The following CYP2C18 variants were observed in gnomAD, a reference collection of about 807,000 sequenced individuals.
The protein encoded by CYP2C18 is cytochrome P450 2C18.
CYP2C18 carries 38 observed loss-of-function variants against 41.3 expected under a neutral mutation model. That is an observed-to-expected ratio of 0.92 (90% CI 0.71 to 1.21). The LOEUF (loss-of-function observed/expected upper bound fraction) is 1.21. CYP2C18 is among the 50% of genes most tolerant of loss of function. The pLI is 0.00. For missense variants in CYP2C18, 635 were observed against 591.4 expected, an observed-to-expected ratio of 1.07 and a Z score of -0.77; for synonymous variants, 236 against 210.0, an observed-to-expected ratio of 1.12 and a Z score of -1.07.
chr10:94,731,308 A>G (rs1198956969), intron 7 of CYP2C18, among the ~76,000 whole-genome samples: 2 of 152,020 alleles, frequency 1.3e-5, no homozygotes, highest in African/African-American at 4.8e-5. Flanking sequence ...TGAACCCGGA[A>G]GGTGGAGCTT....
intron 5 of CYP2C18, among the ~76,000 whole-genome samples, chr10:94,719,337 T>A (rs1300593282): frequency 6.6e-6 from 1 of 152,110 alleles, no homozygotes; most frequent in African/African-American, 2.4e-5. Flanking sequence ...GTACTGTAGC[T>A]CTGAAGCATC....
At chr10:94,731,388 A>T (rs1847830121) in intron 7 of CYP2C18, among the ~76,000 whole-genome samples, 1 of 151,952 alleles carries the variant, frequency 6.6e-6, no homozygotes, top group African/African-American at 2.4e-5. Context: ...TCAAAAAAAA[A>T]ATAAAATAAA....
At chr10:94,731,161 A>G (rs1847825623) in intron 7 of CYP2C18, among the ~76,000 whole-genome samples, 1 of 152,136 alleles carries the variant, frequency 6.6e-6, no homozygotes, top group Non-Finnish European at 1.5e-5. Flanking sequence ...CCAGCGGATC[A>G]CAAGGTCATG....
chr10:94,716,715 A>C (rs1388697689), intron 5 of CYP2C18, among the ~76,000 whole-genome samples: 2 of 152,178 alleles, frequency 1.3e-5, no homozygotes, highest in Non-Finnish European at 1.5e-5. Flanking sequence ...TGCAGAGCTG[A>C]GTTCAATTCC....
chr10:94,715,641 C>T (rs1368027329), intron 5 of CYP2C18, among the ~76,000 whole-genome samples: 1 of 152,004 alleles, frequency 6.6e-6, no homozygotes, highest in African/African-American at 2.4e-5. Context: ...GTCTAAAATT[C>T]TCTTTTTCTG....
chr10:94,706,000 A>G (rs1847336186), intron 4 of CYP2C18, among the ~76,000 whole-genome samples: 1 of 152,078 alleles, frequency 6.6e-6, no homozygotes, highest in African/African-American at 2.4e-5. Context: ...CCTCTAATTC[A>G]CACCTAGAGA....
At chr10:94,727,821 C>T (rs539386462) in intron 7 of CYP2C18, among the ~76,000 whole-genome samples, 1 of 152,164 alleles carries the variant, frequency 6.6e-6, no homozygotes, top group South Asian at 2.1e-4. Context: ...ACATTTTAAT[C>T]TATACATTTA....
chr10:94,714,969 G>T (rs995755190), intron 5 of CYP2C18, among the ~76,000 whole-genome samples: 1 of 151,986 alleles, frequency 6.6e-6, no homozygotes, highest in Non-Finnish European at 1.5e-5. Context: ...TCATGATTTG[G>T]CACTCTGTTT....
chr10:94,700,239 T>C lies in CYP2C18; in HGVS notation c.642+5162T>C, dbSNP rs113188252. On this transcript the variant is annotated intron_variant, in intron 4 of 8. Coordinates refer to ENST00000285979, the MANE Select transcript of CYP2C18 (RefSeq NM_000772.3). ...CTGACTTCAAACTATACTACAAGGC[T>C]ACAGTAAGCAAAACAGCATGGTACT... Among the ~76,000 whole-genome samples the C allele has an allele frequency of 2.5e-3, 376 of 152,274 alleles. 2 individuals carry two copies. The highest frequency in any genetic ancestry group is 7.9e-3 in the African/African-American group (328 of 41,550).
At chr10:94,703,466 C>G (rs118029145) in intron 4 of CYP2C18, among the ~76,000 whole-genome samples, 1 of 152,202 alleles carries the variant, frequency 6.6e-6, no homozygotes, top group Non-Finnish European at 1.5e-5. Flanking sequence ...AGTCTGGCTA[C>G]AGGGGCTTTG....
At position 94,698,703 on chromosome 10, in the gene CYP2C18, T is replaced by A. The variant is rs183743459; in HGVS notation, c.642+3626T>A. 8.4e-4 allele frequency among the ~76,000 whole-genome samples: 128 copies of A among 151,996 alleles called. 1 individual carries two copies. The highest frequency in any genetic ancestry group is 2.5e-3 in the Admixed American group (38 of 15,250). On this transcript the variant is annotated intron_variant, in intron 4 of 8. Coordinates refer to ENST00000285979, the MANE Select transcript of CYP2C18 (RefSeq NM_000772.3). The stretch of plus-strand genomic sequence containing the variant: ...CAATGAATCCAGGAGCTGGTTTTTT[T>A]AAAAGATCAACAAAATTGATAGACC...
At chr10:94,713,651 G>A (rs113235753) in intron 5 of CYP2C18, among the ~76,000 whole-genome samples, 3,849 of 152,266 alleles carry the variant, frequency 0.025, 149 homozygotes, top group African/African-American at 0.075. Context: ...ACGTGTGCAT[G>A]TGTCTTTATG....
At chr10:94,703,341 C>A (rs1490703886) in intron 4 of CYP2C18, among the ~76,000 whole-genome samples, 1 of 152,218 alleles carries the variant, frequency 6.6e-6, no homozygotes, top group Non-Finnish European at 1.5e-5. Context: ...CCACAGCCAC[C>A]CCTTCCTCCA....
At chr10:94,729,501 T>G (rs74152344) in intron 7 of CYP2C18, among the ~76,000 whole-genome samples, 3,849 of 152,106 alleles carry the variant, frequency 0.025, 149 homozygotes, top group African/African-American at 0.075. Flanking sequence ...AAAACAAAAT[T>G]TTCTGCTTCT....
intron 5 of CYP2C18, among the ~76,000 whole-genome samples, 178 bp from the exon 6 acceptor site, chr10:94,720,218 G>T (rs1050012441): frequency 6.6e-6 from 1 of 152,150 alleles, no homozygotes; most frequent in Non-Finnish European, 1.5e-5. Context: ...AAGTAGGAAT[G>T]GGAAATGAAC....
At chr10:94,713,753 C>T (rs1035459429) in intron 5 of CYP2C18, among the ~76,000 whole-genome samples, 1 of 152,180 alleles carries the variant, frequency 6.6e-6, no homozygotes, top group Non-Finnish European at 1.5e-5. Flanking sequence ...GAGGAATTGC[C>T]ACACTGTCTT....
At chr10:94,704,019 A>G (rs1847291969) in intron 4 of CYP2C18, among the ~76,000 whole-genome samples, 1 of 152,158 alleles carries the variant, frequency 6.6e-6, no homozygotes, top group Admixed American at 6.5e-5. Context: ...TGGGTGAGCC[A>G]ATTCCCTACC....
intron 8 of CYP2C18, among the ~76,000 whole-genome samples, chr10:94,733,795 A>G (rs1847874267): frequency 6.6e-6 from 1 of 152,152 alleles, no homozygotes; most frequent in South Asian, 2.1e-4. Flanking sequence ...AACTTTGAAT[A>G]TCTTCCCTGT....
chr10:94,704,317 T>G (rs762499350), intron 4 of CYP2C18, among the ~76,000 whole-genome samples: 1 of 151,626 alleles, frequency 6.6e-6, no homozygotes. Flanking sequence ...TTTTGTTGCC[T>G]GCTATAGTTT....
Sources: gnomAD v4.1 joint callset for allele counts (sites outside exome capture counted in the v4.1 genomes callset) on GRCh38, gnomAD v4.1.1 for gene constraint, MANE v1.5 for transcripts, NCBI Gene and HGNC (gene_info 2026-07-23, HGNC 2026-07-21) for gene names.